The following WDPCP variants were observed in gnomAD, a reference collection of about 807,000 sequenced individuals.
The protein encoded by WDPCP is WD repeat-containing and planar cell polarity effector protein fritz homolog.
A neutral mutation model predicts 93.1 loss-of-function variants in WDPCP; 71 were observed. The observed-to-expected ratio is 0.76, with a 90% confidence interval of 0.63 to 0.93. The LOEUF is 0.93. Ranked by LOEUF, WDPCP falls within the 40% of genes least tolerant of loss-of-function variation. The pLI, the probability that WDPCP is intolerant of heterozygous loss-of-function variation, is 0.00. For missense variants in WDPCP, 844 were observed against 887.4 expected (o/e 0.95, Z 0.62); for synonymous variants, 315 against 315.0 (o/e 1.00, Z 0.00).
intron 12 of WDPCP, among the ~76,000 whole-genome samples, chr2:63,339,266 C>T (rs181803088): frequency 1.2e-3 from 176 of 152,158 alleles, no homozygotes; most frequent in African/African-American, 4.0e-3. Flanking sequence ...CTCTGCCTCC[C>T]GGGTTCAAGC....
chr2:63,319,040 T>C (rs559324932), intron 12 of WDPCP, among the ~76,000 whole-genome samples: 1 of 152,334 alleles, frequency 6.6e-6, no homozygotes, highest in South Asian at 2.1e-4. Context: ...AGACTTCTCA[T>C]TGGCAACAAT....
intron 2 of WDPCP, among the ~76,000 whole-genome samples, chr2:63,782,488 G>T (rs2103977162): frequency 6.6e-6 from 1 of 152,118 alleles, no homozygotes; most frequent in African/African-American, 2.4e-5. Flanking sequence ...TAAAAACTGG[G>T]CAAAGTGGGC....
intron 15 of WDPCP, 124 bp downstream of exon 15, chr2:63,174,546 C>A (rs975020935): frequency 9.4e-6 from 12 of 1,272,760 alleles, no homozygotes; most frequent in Admixed American, 7.4e-5. Flanking sequence ...AAAGTCTGAG[C>A]CATGAGAAAT....
chr2:63,723,552 C>T (rs1446591055), intron 2 of WDPCP, among the ~76,000 whole-genome samples: 2 of 152,216 alleles, frequency 1.3e-5, no homozygotes, highest in African/African-American at 2.4e-5. Flanking sequence ...CCTAACCCCT[C>T]ACACAATGCT....
At chr2:63,481,299 T>C (rs1339105536) in intron 6 of WDPCP, among the ~76,000 whole-genome samples, 1 of 152,108 alleles carries the variant, frequency 6.6e-6, no homozygotes, top group Non-Finnish European at 1.5e-5. Context: ...GGTGAAAATG[T>C]AAACTAGTAT....
intron 13 of WDPCP, among the ~76,000 whole-genome samples, chr2:63,304,881 T>G (rs1422306068): frequency 1.3e-5 from 2 of 152,028 alleles, no homozygotes; most frequent in Non-Finnish European, 2.9e-5. Flanking sequence ...CAGTTTGAAG[T>G]CCACCTGGGA....
At chr2:63,696,905 A>G (rs1390427925) in intron 2 of WDPCP, among the ~76,000 whole-genome samples, 1 of 152,250 alleles carries the variant, frequency 6.6e-6, no homozygotes, top group Non-Finnish European at 1.5e-5. Context: ...AAGGTAAAAC[A>G]TAGTTCTTCC....
chr2:63,693,942 T>C (rs911237231), intron 2 of WDPCP, among the ~76,000 whole-genome samples: 1 of 152,246 alleles, frequency 6.6e-6, no homozygotes, highest in African/African-American at 2.4e-5. Context: ...ACTTGATTTA[T>C]GTATTTCTGC....
intron 14 of WDPCP, among the ~76,000 whole-genome samples, chr2:63,191,003 T>C (rs1674999466): frequency 6.6e-6 from 1 of 152,236 alleles, no homozygotes; most frequent in South Asian, 2.1e-4. Flanking sequence ...AGAACACAGA[T>C]TTTAGACTGG....
At chr2:63,509,752 A>C (rs1227643342) in intron 1 of WDPCP, among the ~76,000 whole-genome samples, 3 of 152,222 alleles carry the variant, frequency 2.0e-5, no homozygotes, top group African/African-American at 7.2e-5. Context: ...AGGGAAGATC[A>C]CTACTGATCC....
intron 2 of WDPCP, among the ~76,000 whole-genome samples, chr2:63,665,932 T>A (rs1359604088): frequency 6.6e-6 from 1 of 152,240 alleles, no homozygotes; most frequent in Non-Finnish European, 1.5e-5. Flanking sequence ...GGTTTGGTGG[T>A]GTCACTTCCT....
Position 63,402,783 on chromosome 2 carries a change from G to A in WDPCP, c.1435+1265C>T, listed in dbSNP as rs1262420142. ...ATTAAAAAGTAAAAAAATAACAGAT[G>A]CTGGCAAGGTTGTGGAAAAAAGGGA... On this transcript the variant is annotated intron_variant, in intron 10 of 17. Coordinates refer to ENST00000272321, the MANE Select transcript of WDPCP (RefSeq NM_015910.7). 2.6e-5 allele frequency among the ~76,000 whole-genome samples: 4 copies of A among 152,308 alleles called. No homozygotes were observed. The East Asian group carries it at 5.8e-4, about 22-fold the overall frequency.
chr2:63,785,283 CT>C (rs1670451128), intron 2 of WDPCP, among the ~76,000 whole-genome samples: 3 of 152,172 alleles, frequency 2.0e-5, no homozygotes, highest in Admixed American at 2.0e-4. Flanking sequence ...TTCCTCCCTT[CT>C]CCCCCTCTGC....
intron 14 of WDPCP, among the ~76,000 whole-genome samples, chr2:63,257,090 A>G (rs549820952): frequency 1.3e-5 from 2 of 152,304 alleles, no homozygotes; most frequent in Non-Finnish European, 2.9e-5. Context: ...AGTTTAAAAA[A>G]TTACCAAATT....
chr2:63,150,589 G>A lies in WDPCP; in HGVS notation c.2190+2325C>T, dbSNP rs1671823541. ...ACTATGGGAAATTACTAATCTCTAT[G>A]TCTCAGTATCATTGTTTATATGAGG... On this transcript the variant is annotated intron_variant, in intron 17 of 17. Coordinates refer to ENST00000272321, the MANE Select transcript of WDPCP (RefSeq NM_015910.7). Among the ~76,000 whole-genome samples the A allele has an allele frequency of 2.0e-5, 3 of 152,112 alleles. No homozygotes were observed. The South Asian group carries it at 6.2e-4, about 32-fold the overall frequency.
In WDPCP at chr2:63,588,151, A is replaced by T. The variant is rs1709001861; in HGVS notation, c.75+46T>A. On this transcript the variant is annotated intron_variant, in intron 1 of 17. Transcript: ENST00000272321. ...GGACGGCGCACCAACCGCATTCCGG[A>T]TCCTAAGGTTAAAAGAAAACCCCTT... 7 of 1,548,920 alleles carry T rather than the reference A, an allele frequency of 4.5e-6. No homozygotes were observed. The East Asian group carries it at 1.7e-4, about 38-fold the overall frequency.
intron 9 of WDPCP, among the ~76,000 whole-genome samples, chr2:63,405,608 C>G (rs1348799714): frequency 6.9e-6 from 1 of 145,690 alleles, no homozygotes; most frequent in African/African-American, 2.6e-5. Context: ...GTCCTGGAAC[C>G]AATCATCCAC....
chr2:63,688,795 T>G (rs1404804454), intron 2 of WDPCP, among the ~76,000 whole-genome samples: 1 of 152,050 alleles, frequency 6.6e-6, no homozygotes, highest in Non-Finnish European at 1.5e-5. Context: ...AAAAAAAAAT[T>G]CATGTTGAAA....
intron 14 of WDPCP, among the ~76,000 whole-genome samples, chr2:63,178,466 A>T (rs1673983898): frequency 6.6e-6 from 1 of 152,114 alleles, no homozygotes; most frequent in South Asian, 2.1e-4. Flanking sequence ...TTGTCCATTT[A>T]TGTAAGTTTT....
Sources: allele counts gnomAD v4.1 joint callset (sites outside exome capture counted in the v4.1 genomes callset), GRCh38; gene constraint gnomAD v4.1.1; transcripts MANE v1.5; gene names NCBI Gene and HGNC (gene_info 2026-07-23, HGNC 2026-07-21).